Variants in DDAH1 observed in about 807,000 individuals in gnomAD.
DDAH1 encodes the protein dimethylarginine dimethylaminohydrolase 1, also known as N(G),N(G)-dimethylarginine dimethylaminohydrolase 1.
A neutral mutation model predicts 28.8 loss-of-function variants in DDAH1; 19 were observed. That is an observed-to-expected ratio of 0.66 (90% CI 0.46 to 0.97). The LOEUF (loss-of-function observed/expected upper bound fraction) is 0.97. DDAH1 is among the 50% of genes least tolerant of loss of function. The pLI, the probability that DDAH1 is intolerant of heterozygous loss-of-function variation, is 0.00. For synonymous variants in DDAH1, 153 were observed against 154.4 expected, an observed-to-expected ratio of 0.99 and a Z score of 0.07; for missense variants, 326 against 375.9, an observed-to-expected ratio of 0.87 and a Z score of 1.10.
At chr1:85,510,161 C>T (rs1657173102) in intron 1 of DDAH1, among the ~76,000 whole-genome samples, 1 of 152,178 alleles carries the variant, frequency 6.6e-6, no homozygotes, top group South Asian at 2.1e-4. Context: ...TCAGCAGAAA[C>T]CCCACAAGCC....
chr1:85,491,594 A>C (rs954958755), intron 2 of DDAH1, among the ~76,000 whole-genome samples: 1 of 152,182 alleles, frequency 6.6e-6, no homozygotes, highest in African/African-American at 2.4e-5. Context: ...GAGTCCAGAC[A>C]TCCATAGGAC....
chr1:85,426,929 A>AG (rs200000689), intron 1 of DDAH1, among the ~76,000 whole-genome samples: 19,244 of 150,142 alleles, frequency 0.13, 1,569 homozygotes, highest in South Asian at 0.29. Flanking sequence ...AACAAAAAAA[A>AG]AAAAAAAAAA....
At chr1:85,564,605 T>C (rs6673412) in intron 1 of DDAH1, among the ~76,000 whole-genome samples, 1,976 of 152,198 alleles carry the variant, frequency 0.013, 42 homozygotes, top group African/African-American at 0.044. Flanking sequence ...CAGTGGTTCA[T>C]GCCTGTAATC....
At chr1:85,378,726 A>G (rs193219122) in intron 1 of DDAH1, among the ~76,000 whole-genome samples, 7 of 152,254 alleles carry the variant, frequency 4.6e-5, no homozygotes, top group Non-Finnish European at 1.0e-4. Flanking sequence ...ATTCTTTTTA[A>G]CAAGTGGAAA....
At chr1:85,369,491 G>T (rs776542739) in intron 1 of DDAH1, among the ~76,000 whole-genome samples, 5 of 152,210 alleles carry the variant, frequency 3.3e-5, no homozygotes, top group Middle Eastern at 3.4e-3. Flanking sequence ...ACATTTCAAG[G>T]GTGGGAAGAT....
At chr1:85,536,144 T>A in intron 1 of DDAH1, among the ~76,000 whole-genome samples, 1 of 148,964 alleles carries the variant, frequency 6.7e-6, no homozygotes, top group South Asian at 2.2e-4. Context: ...GGCTGAGGGA[T>A]GAGAATTGCT....
At chr1:85,510,756 C>T (rs1657196300) in intron 1 of DDAH1, among the ~76,000 whole-genome samples, 2 of 152,132 alleles carry the variant, frequency 1.3e-5, no homozygotes, top group Admixed American at 1.3e-4. Context: ...ACAAAGAAGG[C>T]CATTACATAA....
At chr1:85,400,207 T>TTCTGATGGAGTCTCAATC (rs1553130312) in intron 1 of DDAH1, among the ~76,000 whole-genome samples, 1 of 89,580 alleles carries the variant, frequency 1.1e-5, no homozygotes, top group African/African-American at 4.6e-5. Flanking sequence ...TTTTTTTTTT[T>TTCTGATGGAGTCTCAATC]TGAGACGGAG....
At chr1:85,337,696 C>T (rs1320300925) in intron 4 of DDAH1, among the ~76,000 whole-genome samples, 1 of 152,190 alleles carries the variant, frequency 6.6e-6, no homozygotes, top group Non-Finnish European at 1.5e-5. Flanking sequence ...TCGTGATCCA[C>T]CCGCCTTGGC....
At chr1:85,348,740 A>T (rs977314029) in intron 4 of DDAH1, among the ~76,000 whole-genome samples, 4 of 152,206 alleles carry the variant, frequency 2.6e-5, no homozygotes, top group Admixed American at 2.0e-4. Flanking sequence ...GTTAGGGCCT[A>T]TATCATATAA....
At chr1:85,450,140 G>A (rs1654604743) in intron 1 of DDAH1, among the ~76,000 whole-genome samples, 2 of 152,076 alleles carry the variant, frequency 1.3e-5, no homozygotes, top group Admixed American at 6.5e-5. Context: ...ACACTTACTG[G>A]TATTTTTAAT....
chr1:85,508,872 C>T (rs1407408066), intron 1 of DDAH1, among the ~76,000 whole-genome samples: 1 of 152,208 alleles, frequency 6.6e-6, no homozygotes, highest in Non-Finnish European at 1.5e-5. Context: ...TGCCTCTAGA[C>T]TCCACCTCTG....
chr1:85,404,745 C>T (rs189019341), intron 1 of DDAH1, among the ~76,000 whole-genome samples: 1 of 151,940 alleles, frequency 6.6e-6, no homozygotes, highest in African/African-American at 2.4e-5. Context: ...CTCTGTCTTT[C>T]TCTCTCTCTC....
At chr1:85,546,751 G>A (rs149673219) in intron 1 of DDAH1, among the ~76,000 whole-genome samples, 36 of 152,174 alleles carry the variant, frequency 2.4e-4, no homozygotes, top group Middle Eastern at 3.4e-3. Context: ...ACAATAGGCA[G>A]AGCTTTATTT....
intron 2 of DDAH1, chr1:85,482,423 T>TA (rs1557679318): frequency 1.3e-5 from 2 of 152,060 alleles, no homozygotes; most frequent in African/African-American, 4.8e-5. Context: ...GCTTTCCAAT[T>TA]AAAAAACAAA....
At chr1:85,533,966 G>T (rs1351492422) in intron 1 of DDAH1, among the ~76,000 whole-genome samples, 1 of 152,202 alleles carries the variant, frequency 6.6e-6, no homozygotes, top group African/African-American at 2.4e-5. Context: ...AACAAAACGT[G>T]GGCAATGATA....
intron 1 of DDAH1, among the ~76,000 whole-genome samples, chr1:85,367,886 G>A (rs567147795): frequency 1.3e-5 from 2 of 152,236 alleles, no homozygotes; most frequent in African/African-American, 4.8e-5. Flanking sequence ...GAGCCCTGGA[G>A]TTCTTAATAT....
intron 1 of DDAH1, among the ~76,000 whole-genome samples, chr1:85,427,875 G>A (rs1570528932): frequency 6.6e-6 from 1 of 152,146 alleles, no homozygotes; most frequent in Admixed American, 6.5e-5. Flanking sequence ...GTGAGGGAGG[G>A]GATAGGAAAG....
chr1:85,324,212 G>A (rs1185269045), intron 5 of DDAH1, among the ~76,000 whole-genome samples: 3 of 151,258 alleles, frequency 2.0e-5, no homozygotes, highest in Admixed American at 2.0e-4. Context: ...TGGGGTTGCA[G>A]TGAGCCAAGA....
Sources: allele counts gnomAD v4.1 joint callset (sites outside exome capture counted in the v4.1 genomes callset), GRCh38; gene constraint gnomAD v4.1.1; transcripts MANE v1.5; gene names NCBI Gene and HGNC (gene_info 2026-07-23, HGNC 2026-07-21).